Variants in KATNA1 observed in about 807,000 individuals in gnomAD.
KATNA1 encodes katanin catalytic subunit A1.
KATNA1 carries 42 observed loss-of-function variants against 62.6 expected under a neutral mutation model. The observed-to-expected ratio is 0.67, with a 90% CI of 0.52 to 0.87. The LOEUF (loss-of-function observed/expected upper bound fraction) is 0.87, where lower values mean the gene tolerates loss of function less well. Among genes scored for constraint, KATNA1 ranks in the 40% least tolerant of loss-of-function variants. The pLI, the probability that KATNA1 is intolerant of heterozygous loss-of-function variation, is 0.00. For synonymous variants in KATNA1, 186 were observed against 201.9 expected (o/e 0.92, Z 0.67); for missense variants, 498 against 612.5 (o/e 0.81, Z 1.97).
At chr6:149,632,938 G>T in intron 2 of KATNA1, 22 bp from the exon 3 acceptor site, 1 of 1,578,642 alleles carries the variant, frequency 6.3e-7, no homozygotes, top group Non-Finnish European at 8.6e-7. Context: ...GAAGAAGATG[G>T]ATGTTTAAAT....
At chr6:149,608,452 G>C (rs1778823675) in intron 4 of KATNA1, among the ~76,000 whole-genome samples, 1 of 152,080 alleles carries the variant, frequency 6.6e-6, no homozygotes, top group Non-Finnish European at 1.5e-5. Flanking sequence ...ACCAAGGAAG[G>C]GGCAGTCTAG....
chr6:149,598,993 T>C (rs749717501), intron 7 of KATNA1, among the ~76,000 whole-genome samples: 61 of 152,070 alleles, frequency 4.0e-4, no homozygotes, highest in Non-Finnish European at 7.2e-4. Flanking sequence ...ACCTCCCGAG[T>C]AGCTAGGACT....
At chr6:149,642,698 T>C (rs1296006145) in intron 1 of KATNA1, among the ~76,000 whole-genome samples, 1 of 152,198 alleles carries the variant, frequency 6.6e-6, no homozygotes, top group Non-Finnish European at 1.5e-5. Context: ...TAAATCCCAA[T>C]GTCATTTTAT....
intron 1 of KATNA1, among the ~76,000 whole-genome samples, chr6:149,645,810 G>C (rs998021875): frequency 6.6e-6 from 1 of 151,662 alleles, no homozygotes; most frequent in Non-Finnish European, 1.5e-5. Context: ...TACTGAAATC[G>C]CAATTTTACA....
At chr6:149,624,655 C>T (rs776554533) in intron 3 of KATNA1, among the ~76,000 whole-genome samples, 77 of 152,104 alleles carry the variant, frequency 5.1e-4, no homozygotes, top group African/African-American at 1.8e-3. Flanking sequence ...GCTGGGACTA[C>T]AGGCGTGAGC....
intron 2 of KATNA1, among the ~76,000 whole-genome samples, chr6:149,635,183 G>A (rs1780022824): frequency 6.6e-6 from 1 of 152,086 alleles, no homozygotes. Context: ...GAGGCTGGGT[G>A]GGAGGATTGC....
chr6:149,598,187 C>T lies in KATNA1; in HGVS notation c.1015+37G>A, dbSNP rs768900405. On this transcript the variant is annotated intron_variant, in intron 8 of 10. Transcript: ENST00000367411. ...AACTGGAGACACCACACCTAACAAC[C>T]TCCCGTCCCTGTTCAACTCAAGCTA... 5.0e-6 allele frequency: 8 copies of T among 1,609,696 alleles called. No homozygotes were observed. In the South Asian group the frequency reaches 8.8e-5, roughly 18 times the overall value.
chr6:149,599,150 C>T (rs1275094908), intron 7 of KATNA1, among the ~76,000 whole-genome samples: 1 of 152,158 alleles, frequency 6.6e-6, no homozygotes, highest in Non-Finnish European at 1.5e-5. Context: ...CAATGAGCCA[C>T]TGTACCTAGT....
At chr6:149,604,548 A>C in intron 5 of KATNA1, 113 bp downstream of exon 5, 4 of 1,115,244 alleles carry the variant, frequency 3.6e-6, no homozygotes, top group Non-Finnish European at 5.4e-6. Context: ...CACGCTGCAC[A>C]TACTCCGGTT....
intron 4 of KATNA1, among the ~76,000 whole-genome samples, chr6:149,618,559 G>A (rs2115113968): frequency 6.6e-6 from 1 of 152,284 alleles, no homozygotes; most frequent in East Asian, 1.9e-4. Context: ...AACAAAGTTG[G>A]AGACATCACA....
In KATNA1 at chr6:149,603,374, C is replaced by G; in HGVS notation, c.624-1G>C. On this transcript the variant is annotated splice_acceptor_variant, in intron 5 of 10. Transcript: ENST00000367411. LOFTEE classifies it high-confidence loss of function. ...TTCTACTAAATCAGCGATATCATCC[C>G]TGAAAGAGAAGACATTTTATTAACA... 1 of 1,486,314 alleles carries G rather than the reference C, an allele frequency of 6.7e-7. No homozygotes were observed. The highest frequency in any genetic ancestry group is 1.4e-5 in the African/African-American group (1 of 72,228). 92.1% of individuals were successfully genotyped at this position (1,486,314 alleles called of 1,614,324 possible).
chr6:149,604,037 T>C (rs992906063), intron 5 of KATNA1, among the ~76,000 whole-genome samples: 4 of 152,342 alleles, frequency 2.6e-5, no homozygotes, highest in Admixed American at 1.3e-4. Flanking sequence ...TGTGGAAAAG[T>C]TAACTTTTAT....
At chr6:149,624,655 C>A (rs776554533) in intron 3 of KATNA1, among the ~76,000 whole-genome samples, 7 of 152,104 alleles carry the variant, frequency 4.6e-5, no homozygotes, top group African/African-American at 1.7e-4. Flanking sequence ...GCTGGGACTA[C>A]AGGCGTGAGC....
intron 4 of KATNA1, among the ~76,000 whole-genome samples, chr6:149,615,132 CAA>C (rs893824279): frequency 5.7e-4 from 26 of 45,652 alleles, no homozygotes; most frequent in African/African-American, 1.8e-3. Context: ...GACTCTGTCT[CAA>C]AAAAAAAAAA....
chr6:149,617,752 T>C (rs141126948), intron 4 of KATNA1, among the ~76,000 whole-genome samples: 111 of 152,102 alleles, frequency 7.3e-4, no homozygotes, highest in African/African-American at 2.1e-3. Context: ...CTGACCAATA[T>C]GGTGAAACCC....
chr6:149,641,960 T>C (rs1283234137), intron 1 of KATNA1, among the ~76,000 whole-genome samples: 1 of 152,166 alleles, frequency 6.6e-6, no homozygotes, highest in African/African-American at 2.4e-5. Flanking sequence ...TGGAGTGCAG[T>C]GGTGTGATCT....
chr6:149,617,185 T>C (rs9498385), intron 4 of KATNA1, among the ~76,000 whole-genome samples: 7,738 of 152,218 alleles, frequency 0.051, 689 homozygotes, highest in African/African-American at 0.18. Context: ...CTTTAATGGG[T>C]GTAGTGTTTC....
Position 149,634,280 on chromosome 6 carries a change from T to TAAAATAAAATAA in KATNA1, c.163-1376_163-1365dup, listed in dbSNP as rs1554225792. Among the ~76,000 whole-genome samples, 908 of 141,506 alleles carry TAAAATAAAATAA rather than the reference T, an allele frequency of 6.4e-3. 6 individuals carry two copies. Among genetic ancestry groups the TAAAATAAAATAA allele is most frequent in the Non-Finnish European group, 0.01 (692 of 66,244 alleles). The allele number at this position is 141,506 out of a possible 152,430, so 92.8% of individuals were successfully genotyped here. ...AGAGCAAGACTCCATCTCAAAAAAA[T>TAAAATAAAATAA]AAAATAAAATAAAATAAAATAAAAT... is the stretch of plus-strand genomic sequence containing the variant. On this transcript the variant is annotated intron_variant, in intron 2 of 10. Transcript: ENST00000367411.
chr6:149,640,750 T>C (rs1037102829), intron 1 of KATNA1, among the ~76,000 whole-genome samples: 3 of 152,140 alleles, frequency 2.0e-5, no homozygotes, highest in African/African-American at 7.2e-5. Flanking sequence ...GGTTTCACCA[T>C]GTTGGCCAGG....
Sources: allele counts gnomAD v4.1 joint callset (sites outside exome capture counted in the v4.1 genomes callset), GRCh38; gene constraint gnomAD v4.1.1; transcripts MANE v1.5; gene names NCBI Gene and HGNC (gene_info 2026-07-23, HGNC 2026-07-21).